Variants in PALLD observed in about 807,000 individuals in gnomAD.
The protein encoded by PALLD is palladin, cytoskeletal associated protein.
A neutral mutation model predicts 123.5 loss-of-function variants in PALLD; 61 were observed. The observed-to-expected ratio is 0.49, with a 90% CI of 0.40 to 0.61. PALLD has a LOEUF of 0.61. Ranked by LOEUF, PALLD falls within the 20% of genes least tolerant of loss-of-function variation. The pLI is 0.00. For missense variants in PALLD, 1,273 were observed against 1,377.0 expected (o/e 0.92, Z 1.20); for synonymous variants, 465 against 496.4 (o/e 0.94, Z 0.84).
At chr4:168,877,841 C>G in intron 10 of PALLD, 1 of 1,339,026 alleles carries the variant, frequency 7.5e-7, no homozygotes, top group Non-Finnish European at 9.5e-7. Context: ...CCCGCCGCCG[C>G]CCGCCTTCCC....
At chr4:168,599,776 A>G (rs758487932) in intron 2 of PALLD, among the ~76,000 whole-genome samples, 1 of 152,184 alleles carries the variant, frequency 6.6e-6, no homozygotes, top group Non-Finnish European at 1.5e-5. Context: ...ACCTGTGTCT[A>G]TAGAAATTTT....
At chr4:168,529,393 A>G (rs1310822712) in intron 2 of PALLD, among the ~76,000 whole-genome samples, 1 of 152,112 alleles carries the variant, frequency 6.6e-6, no homozygotes, top group East Asian at 1.9e-4. Context: ...TCCCTCAGTC[A>G]TGTAACCTGC....
chr4:168,910,119 G>A (rs1306823369), intron 15 of PALLD, among the ~76,000 whole-genome samples: 2 of 151,906 alleles, frequency 1.3e-5, no homozygotes, highest in East Asian at 1.9e-4. Context: ...GAAATATTCT[G>A]TGGCAATATT....
intron 10 of PALLD, among the ~76,000 whole-genome samples, chr4:168,782,216 A>G (rs1736021437): frequency 6.6e-6 from 1 of 152,210 alleles, no homozygotes; most frequent in African/African-American, 2.4e-5. Context: ...AACTTCACGA[A>G]AAGAAACTTT....
intron 2 of PALLD, among the ~76,000 whole-genome samples, chr4:168,584,490 T>C (rs1770614237): frequency 1.3e-5 from 2 of 152,252 alleles, no homozygotes; most frequent in Admixed American, 6.5e-5. Flanking sequence ...CATTTAAATT[T>C]CTACTTAATC....
chr4:168,624,991 A>G (rs1224805878), intron 2 of PALLD, among the ~76,000 whole-genome samples: 1 of 152,132 alleles, frequency 6.6e-6, no homozygotes, highest in East Asian at 1.9e-4. Flanking sequence ...CTCTATGTTA[A>G]TTATTTAAAT....
chr4:168,682,495 A>C (rs1781640802), intron 4 of PALLD, among the ~76,000 whole-genome samples: 1 of 152,210 alleles, frequency 6.6e-6, no homozygotes, highest in Non-Finnish European at 1.5e-5. Context: ...ACTTATATGC[A>C]CTAAGAAAAC....
chr4:168,729,892 T>C (rs1013092054), intron 10 of PALLD, among the ~76,000 whole-genome samples: 7 of 152,224 alleles, frequency 4.6e-5, no homozygotes, highest in Non-Finnish European at 1.0e-4. Flanking sequence ...AATTGCTTCA[T>C]ATTCTAGTTC....
At chr4:168,565,900 C>A (rs1768323982) in intron 2 of PALLD, among the ~76,000 whole-genome samples, 1 of 152,084 alleles carries the variant, frequency 6.6e-6, no homozygotes. Flanking sequence ...ACTTCTAAAT[C>A]TAGCCAAATA....
At chr4:168,900,868 T>C (rs1432507912) in intron 14 of PALLD, among the ~76,000 whole-genome samples, 1 of 152,236 alleles carries the variant, frequency 6.6e-6, no homozygotes, top group Admixed American at 6.5e-5. Context: ...AGGAATTATA[T>C]CTTGAACTTC....
intron 2 of PALLD, chr4:168,537,583 C>T (rs953523617): frequency 1.2e-4 from 19 of 152,282 alleles, no homozygotes; most frequent in African/African-American, 3.6e-4. Flanking sequence ...AGAAATTCCT[C>T]ATATTGAATC....
chr4:168,877,190 A>G (rs1281042922), intron 10 of PALLD, among the ~76,000 whole-genome samples: 1 of 152,218 alleles, frequency 6.6e-6, no homozygotes, highest in Non-Finnish European at 1.5e-5. Flanking sequence ...TGTAGAGATT[A>G]AAGTAAATTT....
At chr4:168,627,471 T>C (rs773331728) in intron 2 of PALLD, among the ~76,000 whole-genome samples, 1 of 151,850 alleles carries the variant, frequency 6.6e-6, no homozygotes, top group Non-Finnish European at 1.5e-5. Flanking sequence ...GATTGTACAA[T>C]TGCACTCCAG....
intron 10 of PALLD, among the ~76,000 whole-genome samples, chr4:168,861,096 TG>T (rs1749387730): frequency 6.6e-6 from 1 of 152,234 alleles, no homozygotes; most frequent in African/African-American, 2.4e-5. Flanking sequence ...AAATATTTTT[TG>T]TTTGTTTTAG....
intron 10 of PALLD, among the ~76,000 whole-genome samples, chr4:168,865,708 A>G (rs1750167039): frequency 6.6e-6 from 1 of 152,254 alleles, no homozygotes; most frequent in Non-Finnish European, 1.5e-5. Flanking sequence ...GAGATGGAAC[A>G]GCATAACAGA....
At chr4:168,524,209 C>T (rs1763835576) in intron 2 of PALLD, among the ~76,000 whole-genome samples, 1 of 152,130 alleles carries the variant, frequency 6.6e-6, no homozygotes, top group Non-Finnish European at 1.5e-5. Flanking sequence ...CAAATTTGGT[C>T]AGAATTGTTT....
Position 168,926,543 on chromosome 4 carries a change from T to G in PALLD, c.*363T>G. 1 of 576,676 alleles carries G rather than the reference T, an allele frequency of 1.7e-6. No individual in the cohort carries two copies. 35.7% of individuals were successfully genotyped at this position (576,676 alleles called of 1,614,324 possible). On this transcript the variant is annotated 3_prime_UTR_variant, in exon 22 of 22. Coordinates refer to ENST00000505667, the MANE Select transcript of PALLD (RefSeq NM_001166108.2). ...ATTTTTCTTACTTGATATACCAAACTTAGTTTAAGTAGATAATGCTAATAC... is the reference window on the plus strand; with the variant it reads ...ATTTTTCTTACTTGATATACCAAACGTAGTTTAAGTAGATAATGCTAATAC...
At chr4:168,750,135 C>T (rs748281293) in intron 10 of PALLD, among the ~76,000 whole-genome samples, 17 of 143,506 alleles carry the variant, frequency 1.2e-4, no homozygotes, top group South Asian at 1.1e-3. Flanking sequence ...TTTGTAGAGA[C>T]GGCGTTTCAC....
At chr4:168,582,016 C>T (rs536159284) in intron 2 of PALLD, among the ~76,000 whole-genome samples, 1 of 152,108 alleles carries the variant, frequency 6.6e-6, no homozygotes, top group South Asian at 2.1e-4. Context: ...AGAAACTGTC[C>T]TTTCCCCATT....
Sources: allele counts gnomAD v4.1 joint callset (sites outside exome capture counted in the v4.1 genomes callset), GRCh38; gene constraint gnomAD v4.1.1; transcripts MANE v1.5; gene names NCBI Gene and HGNC (gene_info 2026-07-23, HGNC 2026-07-21).